The following VWA8 variants were observed in gnomAD, a reference collection of about 807,000 sequenced individuals.
VWA8 encodes von Willebrand factor A domain-containing protein 8.
A neutral mutation model predicts 241.5 loss-of-function variants in VWA8; 221 were observed. That is an observed-to-expected ratio of 0.91 (90% CI 0.82 to 1.02). VWA8 has a LOEUF of 1.02. Among genes scored for constraint, VWA8 ranks in the 50% least tolerant of loss-of-function variants. The pLI, the probability that VWA8 is intolerant of heterozygous loss-of-function variation, is 0.00. For missense variants in VWA8, 2,322 were observed against 2,328.7 expected (o/e 1.00, Z 0.06); for synonymous variants, 852 against 827.1 (o/e 1.03, Z -0.52).
At chr13:41,883,905 AC>A (rs1874387321) in intron 8 of VWA8, among the ~76,000 whole-genome samples, 1 of 152,218 alleles carries the variant, frequency 6.6e-6, no homozygotes, top group African/African-American at 2.4e-5. Context: ...AATCTCATCC[AC>A]ATTCACTTAG....
chr13:41,768,195 T>C (rs750068178), intron 20 of VWA8, among the ~76,000 whole-genome samples: 54 of 152,358 alleles, frequency 3.5e-4, no homozygotes, highest in Non-Finnish European at 6.0e-4. Flanking sequence ...CACTACCAGC[T>C]GGGGGACACA....
At chr13:41,803,759 T>C (rs1194336479) in intron 17 of VWA8, among the ~76,000 whole-genome samples, 1 of 152,174 alleles carries the variant, frequency 6.6e-6, no homozygotes, top group Non-Finnish European at 1.5e-5. Flanking sequence ...AAAATAGCTA[T>C]TTTGAGGAAG....
chr13:41,654,933 A>G (rs918292405), intron 37 of VWA8, among the ~76,000 whole-genome samples: 3 of 152,148 alleles, frequency 2.0e-5, no homozygotes, highest in African/African-American at 4.8e-5. Context: ...ATGATCTGCA[A>G]TTGCTTCCTT....
rs528436474 is a variant in VWA8 at position 41,956,959 on chromosome 13, A to G, written c.163+3894T>C. ...ATGTATCTGTATAAATATACATATC[A>G]TCCAGGCACAGTGGCTCAAATCTGT... On this transcript the variant is annotated intron_variant, in intron 1 of 44. Transcript: ENST00000379310. 1.7e-3 allele frequency among the ~76,000 whole-genome samples: 258 copies of G among 152,336 alleles called. 3 individuals carry two copies. The highest frequency in any genetic ancestry group is 5.7e-3 in the African/African-American group (238 of 41,570).
intron 16 of VWA8, among the ~76,000 whole-genome samples, chr13:41,815,221 G>A (rs138178798): frequency 2.8e-4 from 42 of 152,330 alleles, no homozygotes; most frequent in Non-Finnish European, 5.9e-4. Context: ...ATGGGTAAAG[G>A]AGAAAGTATT....
At chr13:41,889,313 T>C (rs750654244) in intron 5 of VWA8, among the ~76,000 whole-genome samples, 5 of 152,078 alleles carry the variant, frequency 3.3e-5, no homozygotes, top group Non-Finnish European at 5.9e-5. Context: ...TATACTGATA[T>C]TTACTTTGGG....
chr13:41,892,791 C>A (rs559335806), intron 4 of VWA8, among the ~76,000 whole-genome samples: 1 of 152,264 alleles, frequency 6.6e-6, no homozygotes, highest in South Asian at 2.1e-4. Context: ...CAGGTCAGAG[C>A]CCTTGATGTT....
At position 41,703,221 on chromosome 13, in the gene VWA8, G is replaced by A. The variant is rs958628307; in HGVS notation, c.3225+82C>T. The A allele has an allele frequency of 2.6e-5, 29 of 1,095,006 alleles. No homozygotes were observed. In the African/African-American group the frequency reaches 4.1e-4, roughly 15 times the overall value. 67.8% of individuals were successfully genotyped at this position (1,095,006 alleles called of 1,614,324 possible). Reference sequence around the variant, plus strand: ...TAACATCCGAACAAATCATTTCTGAGATTGTTTGAATTATCTCCAGGGAAG... The same window carrying A: ...TAACATCCGAACAAATCATTTCTGAAATTGTTTGAATTATCTCCAGGGAAG... On this transcript the variant is annotated intron_variant, in intron 27 of 44. Transcript: ENST00000379310.
intron 13 of VWA8, 56 bp downstream of exon 13, chr13:41,833,314 CT>C: frequency 6.6e-7 from 1 of 1,507,786 alleles, no homozygotes. Context: ...TCCATCTTTA[CT>C]GCTTAAGTCA....
chr13:41,876,654 C>T (rs891836024), intron 9 of VWA8, among the ~76,000 whole-genome samples: 6 of 152,120 alleles, frequency 3.9e-5, no homozygotes, highest in Non-Finnish European at 8.8e-5. Context: ...GTTTTGCATA[C>T]ATCTCCAGCA....
chr13:41,803,004 G>A (rs894554426), intron 17 of VWA8, among the ~76,000 whole-genome samples: 5 of 152,248 alleles, frequency 3.3e-5, no homozygotes, highest in African/African-American at 1.2e-4. Flanking sequence ...TAAGTGAAGA[G>A]AGCAAGAGTC....
chr13:41,816,840 G>T (rs1300341379), intron 15 of VWA8, 65 bp from the exon 16 acceptor site: 1 of 1,219,010 alleles, frequency 8.2e-7, no homozygotes, highest in African/African-American at 1.5e-5. Flanking sequence ...CAATCAATCA[G>T]AAATTATGAC....
At chr13:41,763,308 A>AATAAATAAATAG (rs1555332023) in intron 20 of VWA8, among the ~76,000 whole-genome samples, 4,710 of 145,702 alleles carry the variant, frequency 0.032, 88 homozygotes, top group Middle Eastern at 0.049. Flanking sequence ...TAAATAAATA[A>AATAAATAAATAG]ATAGATAGAT....
intron 13 of VWA8, among the ~76,000 whole-genome samples, chr13:41,832,870 T>A (rs891184367): frequency 3.3e-5 from 5 of 151,916 alleles, no homozygotes; most frequent in African/African-American, 1.2e-4. Flanking sequence ...ATTAACAAAG[T>A]GAGCTTTTTT....
chr13:41,712,766 ACAGATT>A (rs1311011140), intron 26 of VWA8, among the ~76,000 whole-genome samples: 4 of 152,192 alleles, frequency 2.6e-5, no homozygotes, highest in Non-Finnish European at 5.9e-5. Context: ...AATCTGTAAA[ACAGATT>A]CAAACACACA....
chr13:41,904,706 C>T (rs1875620197), intron 4 of VWA8, among the ~76,000 whole-genome samples: 1 of 152,076 alleles, frequency 6.6e-6, no homozygotes, highest in Non-Finnish European at 1.5e-5. Flanking sequence ...CCTAAATCTT[C>T]ACATAAGTTT....
chr13:41,883,402 C>T lies in VWA8; in HGVS notation c.1065G>A (p.Val355=). The stretch of plus-strand genomic sequence containing the variant: ...AGACACTCACCTTTAAAACACCTTC[C>T]ACAGCCATCTTCCCTTCATGACCTA... ...ILLGHEGKMA[V]EGVLKRFELQ... is the part of the protein sequence containing the mutation. The change falls in exon 9 of 45, where the codon GTG becomes GTA. Residue 355 remains valine, a synonymous_variant. Coordinates refer to ENST00000379310, the MANE Select transcript of VWA8 (RefSeq NM_015058.2). 1 of 1,612,348 alleles carries T rather than the reference C, an allele frequency of 6.2e-7. No individual in the cohort carries two copies. The highest frequency in any genetic ancestry group is 8.5e-7 in the Non-Finnish European group (1 of 1,178,664).
intron 14 of VWA8, among the ~76,000 whole-genome samples, chr13:41,820,162 A>G (rs17637837): frequency 0.15 from 23,396 of 152,152 alleles, 1,904 homozygotes; most frequent in Non-Finnish European, 0.19. Flanking sequence ...AATATTGTCC[A>G]TTTTTATCAA....
Position 41,581,324 on chromosome 13 carries a change from A to AG in VWA8, c.5272-5487dup, listed in dbSNP as rs528854443. Among the ~76,000 whole-genome samples, 22 of 152,258 alleles carry AG rather than the reference A, an allele frequency of 1.4e-4. 2 individuals carry two copies. The South Asian group carries it at 4.6e-3, about 32-fold the overall frequency. ...GCCGAGAGTGAGTCATCTAAATCAG[A>AG]GGGTCAATGGCACCTTTTCCAGAAA... On this transcript the variant is annotated intron_variant, in intron 42 of 44. Coordinates refer to ENST00000379310, the MANE Select transcript of VWA8 (RefSeq NM_015058.2).
Sources: allele counts gnomAD v4.1 joint callset (sites outside exome capture counted in the v4.1 genomes callset), GRCh38; gene constraint gnomAD v4.1.1; transcripts MANE v1.5; gene names NCBI Gene and HGNC (gene_info 2026-07-23, HGNC 2026-07-21).